MAF: variants seen among roughly 807,000 people sequenced by gnomAD.
MAF encodes the protein transcription factor Maf.
A neutral mutation model predicts 22.0 loss-of-function variants in MAF; 10 were observed. That is an observed-to-expected ratio of 0.45 (90% CI 0.28 to 0.77). The LOEUF is 0.77. MAF is among the 30% of genes least tolerant of loss of function. MAF has a pLI of 0.12. For missense variants in MAF, 544 were observed against 548.4 expected (o/e 0.99, Z 0.08); for synonymous variants, 337 against 255.8 (o/e 1.32, Z -3.03).
the MAF span, among the ~76,000 whole-genome samples, chr16:79,444,405 G>A: frequency 3.9e-5 from 6 of 152,054 alleles, no homozygotes; most frequent in Admixed American, 6.5e-5. Flanking sequence ...TTTTATAGTC[G>A]GACAGGTACA....
At chr16:79,519,633 C>T in the MAF span, among the ~76,000 whole-genome samples, 1 of 152,186 alleles carries the variant, frequency 6.6e-6, no homozygotes, top group Admixed American at 6.5e-5. Context: ...GGGACTGTAG[C>T]CCGGGTGGCC....
At chr16:79,426,372 C>T in the MAF span, among the ~76,000 whole-genome samples, 32 of 150,910 alleles carry the variant, frequency 2.1e-4, no homozygotes, top group African/African-American at 7.7e-4. Context: ...ATCATGAATT[C>T]TCTAACTGTT....
At chr16:79,289,867 T>TTTTTTTTTTTC in the MAF span, among the ~76,000 whole-genome samples, 7,170 of 118,314 alleles carry the variant, frequency 0.061, 840 homozygotes, top group African/African-American at 0.16. Context: ...TTTTTTTTTT[T>TTTTTTTTTTTC]TGTGAGACGG....
chr16:79,436,394 A>G, the MAF span, among the ~76,000 whole-genome samples: 1 of 152,138 alleles, frequency 6.6e-6, no homozygotes, highest in Non-Finnish European at 1.5e-5. Context: ...AGATTAATTT[A>G]TTTTTAAAAT....
At chr16:79,321,312 C>G in the MAF span, among the ~76,000 whole-genome samples, 1 of 152,172 alleles carries the variant, frequency 6.6e-6, no homozygotes, top group Non-Finnish European at 1.5e-5. Context: ...TCCATCACAC[C>G]TCAAGGTAGG....
chr16:79,291,330 G>T, the MAF span, among the ~76,000 whole-genome samples: 576 of 152,180 alleles, frequency 3.8e-3, 12 homozygotes, highest in East Asian at 0.061. Flanking sequence ...GAGAAGCCAG[G>T]GAACTTCTCT....
chr16:79,282,708 T>A, the MAF span, among the ~76,000 whole-genome samples: 1 of 152,088 alleles, frequency 6.6e-6, no homozygotes, highest in Non-Finnish European at 1.5e-5. Flanking sequence ...AAACTGTAAG[T>A]AGATCTCTTT....
At chr16:79,461,192 C>T in the MAF span, among the ~76,000 whole-genome samples, 1 of 152,116 alleles carries the variant, frequency 6.6e-6, no homozygotes, top group Non-Finnish European at 1.5e-5. Context: ...ATGCAGATGG[C>T]TGTAGGATTT....
chr16:79,232,998 G>A, the MAF span, among the ~76,000 whole-genome samples: 1 of 151,670 alleles, frequency 6.6e-6, no homozygotes, highest in Non-Finnish European at 1.5e-5. Context: ...CCGCCTCCAT[G>A]CACGGCTAAT....
the MAF span, chr16:79,264,325 G>A: frequency 2.0e-5 from 3 of 152,206 alleles, no homozygotes; most frequent in African/African-American, 7.2e-5. Context: ...TGGCCTCGGA[G>A]ACTGTGCTAA....
At chr16:79,568,225 G>A in the MAF span, among the ~76,000 whole-genome samples, 1 of 152,224 alleles carries the variant, frequency 6.6e-6, no homozygotes, top group Non-Finnish European at 1.5e-5. Flanking sequence ...GGAGCTGGAA[G>A]CTCTGCAAAG....
chr16:79,477,309 G>C, the MAF span, among the ~76,000 whole-genome samples: 1 of 152,202 alleles, frequency 6.6e-6, no homozygotes, highest in African/African-American at 2.4e-5. Flanking sequence ...ATGGGTTTGA[G>C]GATGGGCACA....
the MAF span, among the ~76,000 whole-genome samples, chr16:79,341,149 A>G: frequency 2.6e-5 from 4 of 152,122 alleles, no homozygotes; most frequent in Non-Finnish European, 4.4e-5. Flanking sequence ...GCAGAAGAAC[A>G]TAGGTACAGG....
chr16:79,556,487 C>T, the MAF span, among the ~76,000 whole-genome samples: 1 of 152,112 alleles, frequency 6.6e-6, no homozygotes, highest in South Asian at 2.1e-4. Flanking sequence ...CAATAATAAC[C>T]CTGCAGAAGG....
chr16:79,361,350 G>A, the MAF span, among the ~76,000 whole-genome samples: 25 of 152,144 alleles, frequency 1.6e-4, no homozygotes, highest in Non-Finnish European at 3.4e-4. Context: ...CAATGATTGG[G>A]AACAAGCTGC....
the MAF span, among the ~76,000 whole-genome samples, chr16:79,524,708 G>A: frequency 6.6e-6 from 1 of 152,146 alleles, no homozygotes; most frequent in Non-Finnish European, 1.5e-5. Flanking sequence ...GCCAAATATA[G>A]AAATCATTCT....
chr16:79,446,762 A>T, the MAF span, among the ~76,000 whole-genome samples: 1 of 151,308 alleles, frequency 6.6e-6, no homozygotes, highest in African/African-American at 2.4e-5. Context: ...AAAAAAAATT[A>T]GCCGAGCACA....
the MAF span, among the ~76,000 whole-genome samples, chr16:79,447,477 G>A: frequency 6.6e-6 from 1 of 152,124 alleles, no homozygotes; most frequent in African/African-American, 2.4e-5. Flanking sequence ...TGCAGCCCAT[G>A]GACCAAGGAA....
At chr16:79,484,458 C>T in the MAF span, among the ~76,000 whole-genome samples, 1 of 152,214 alleles carries the variant, frequency 6.6e-6, no homozygotes, top group African/African-American at 2.4e-5. Flanking sequence ...ACAGACACGT[C>T]CACCGGGCAA....
Sources: allele counts gnomAD v4.1 joint callset (sites outside exome capture counted in the v4.1 genomes callset), GRCh38; gene constraint gnomAD v4.1.1; transcripts MANE v1.5; gene names NCBI Gene and HGNC (gene_info 2026-07-23, HGNC 2026-07-21).